The following DNAH14 variants were observed in gnomAD, a reference collection of about 807,000 sequenced individuals.
DNAH14 encodes the protein axonemal beta dynein heavy chain 14.
A neutral mutation model predicts 520.9 loss-of-function variants in DNAH14; 478 were observed. That is an observed-to-expected ratio of 0.92 (90% CI 0.85 to 0.99). The LOEUF is 0.99. Among genes scored for constraint, DNAH14 ranks in the 50% least tolerant of loss-of-function variants. DNAH14 has a pLI of 0.00. For synonymous variants in DNAH14, 1,581 were observed against 1,757.2 expected (o/e 0.90, Z 2.51); for missense variants, 4,831 against 5,234.5 (o/e 0.92, Z 2.38).
intron 23 of DNAH14, among the ~76,000 whole-genome samples, chr1:225,112,249 G>A (rs529533904): frequency 4.6e-5 from 7 of 152,104 alleles, no homozygotes; most frequent in African/African-American, 1.7e-4. Flanking sequence ...ACTATACTAG[G>A]GTAAAAGCTT....
chr1:225,313,870 T>C (rs1482702195), intron 60 of DNAH14, among the ~76,000 whole-genome samples: 1 of 152,200 alleles, frequency 6.6e-6, no homozygotes, highest in Non-Finnish European at 1.5e-5. Flanking sequence ...ATGTGATCGA[T>C]TTTAGAATAA....
chr1:224,998,432 G>C (rs1413583275), intron 8 of DNAH14, among the ~76,000 whole-genome samples: 1 of 151,974 alleles, frequency 6.6e-6, no homozygotes, highest in Non-Finnish European at 1.5e-5. Context: ...TGTCAGCACT[G>C]GTTTGGCTGT....
Position 225,389,774 on chromosome 1 carries a change from T to C in DNAH14, c.13231T>C (p.Ser4411Pro). The C allele has an allele frequency of 6.4e-7, 1 of 1,552,206 alleles. No individual in the cohort carries two copies. The highest frequency in any genetic ancestry group is 8.7e-7 in the Non-Finnish European group (1 of 1,147,086). ...FVTVWKQSIP[S>P]TSQKCKHPED... ...CACAGTTTGGAAGCAGTCTATTCCA[T>C]CAACTAGCCAAAAATGCAAACACCC... The change falls in exon 83 of 86, where the codon TCA (serine) becomes CCA (proline). Residue 4411 changes from serine to proline, a missense_variant. Transcript: ENST00000682510.
At chr1:225,194,711 T>G (rs2085904663) in intron 38 of DNAH14, among the ~76,000 whole-genome samples, 1 of 152,002 alleles carries the variant, frequency 6.6e-6, no homozygotes. Context: ...AAAAAGGCTA[T>G]CAACAGAATA....
chr1:225,145,075 GT>G (rs1212366395), intron 29 of DNAH14, among the ~76,000 whole-genome samples: 1 of 152,092 alleles, frequency 6.6e-6, no homozygotes, highest in Non-Finnish European at 1.5e-5. Context: ...TTTTTTCATA[GT>G]TTTTTATTCA....
chr1:225,039,334 TCTTAA>T (rs1215579609), intron 12 of DNAH14, among the ~76,000 whole-genome samples: 1 of 152,178 alleles, frequency 6.6e-6, no homozygotes, highest in African/African-American at 2.4e-5. Flanking sequence ...TTTGTTGTGT[TCTTAA>T]CTTAAAAATG....
chr1:225,337,304 GTA>G lies in DNAH14; in HGVS notation c.10121_10122del (p.Tyr3374PhefsTer19). The G allele has an allele frequency of 6.4e-7, 1 of 1,551,964 alleles. No individual in the cohort carries two copies. The highest frequency in any genetic ancestry group is 8.7e-7 in the Non-Finnish European group (1 of 1,147,032). On this transcript the variant is annotated frameshift_variant, in exon 67 of 86. Coordinates refer to ENST00000682510, the MANE Select transcript of DNAH14 (RefSeq NM_001367479.1). LOFTEE classifies it high-confidence loss of function. ...WHNQGLPHGQ[Y>X]SVENAILIKN... The stretch of plus-strand genomic sequence containing the variant: ...ATAATCAGGGACTGCCTCATGGTCA[GTA>G]TTCAGTAGAGAATGCCATCTTGATC...
At chr1:225,184,129 A>C (rs1052246806) in intron 36 of DNAH14, among the ~76,000 whole-genome samples, 1 of 152,202 alleles carries the variant, frequency 6.6e-6, no homozygotes, top group African/African-American at 2.4e-5. Context: ...TATCACAATG[A>C]AAAAAGAAAA....
chr1:224,952,473 T>C (rs1302294488), intron 1 of DNAH14, among the ~76,000 whole-genome samples, 197 bp from the exon 2 acceptor site: 1 of 152,116 alleles, frequency 6.6e-6, no homozygotes, highest in African/African-American at 2.4e-5. Flanking sequence ...TTAGACAATA[T>C]AGAGATTGCC....
intron 85 of DNAH14, 38 bp downstream of exon 85, chr1:225,398,704 T>C: frequency 6.5e-7 from 1 of 1,546,470 alleles, no homozygotes; most frequent in Non-Finnish European, 8.7e-7. Context: ...CCTAAACCTC[T>C]GAGCGTTGCT....
intron 23 of DNAH14, among the ~76,000 whole-genome samples, chr1:225,105,240 G>A (rs1204656831): frequency 6.6e-6 from 1 of 152,150 alleles, no homozygotes; most frequent in African/African-American, 2.4e-5. Context: ...ATTGCACTGT[G>A]GTCTGAGAGA....
chr1:225,107,132 C>T (rs544346723), intron 23 of DNAH14, among the ~76,000 whole-genome samples: 43 of 152,224 alleles, frequency 2.8e-4, no homozygotes, highest in South Asian at 8.3e-4. Context: ...TGGAGTTTGC[C>T]GGAGGTCCAC....
At chr1:225,366,329 G>A (rs1487739794) in intron 76 of DNAH14, among the ~76,000 whole-genome samples, 1 of 152,096 alleles carries the variant, frequency 6.6e-6, no homozygotes, top group East Asian at 1.9e-4. Context: ...CTAGGAAAAG[G>A]CCAAATAAAT....
chr1:225,344,294 T>C (rs1168246031), intron 69 of DNAH14, among the ~76,000 whole-genome samples: 1 of 151,956 alleles, frequency 6.6e-6, no homozygotes, highest in Non-Finnish European at 1.5e-5. Flanking sequence ...ACTTGTGTCA[T>C]GGGGGTTTGT....
rs562513579 is a variant in DNAH14, at chr1:224,978,841, A to G, written c.830+4688A>G. Among the ~76,000 whole-genome samples the G allele has an allele frequency of 1.4e-4, 22 of 151,994 alleles. No homozygotes were observed. In the South Asian group the frequency reaches 4.0e-3, roughly 27 times the overall value. ...TATTTTGTAGAGATGGGGACTCACTATGTTGCCCAGGCTGGTCACCAACTC... is the reference window on the plus strand; with the variant it reads ...TATTTTGTAGAGATGGGGACTCACTGTGTTGCCCAGGCTGGTCACCAACTC... On this transcript the variant is annotated intron_variant, in intron 8 of 85. Coordinates refer to ENST00000682510, the MANE Select transcript of DNAH14 (RefSeq NM_001367479.1).
chr1:224,997,078 G>A (rs1172656144), intron 8 of DNAH14, among the ~76,000 whole-genome samples: 1 of 152,106 alleles, frequency 6.6e-6, no homozygotes, highest in African/African-American at 2.4e-5. Flanking sequence ...GAGCTATGCT[G>A]TTAGCTGGTA....
intron 11 of DNAH14, among the ~76,000 whole-genome samples, chr1:225,036,124 G>T (rs926922274): frequency 2.6e-5 from 4 of 151,878 alleles, no homozygotes; most frequent in Non-Finnish European, 4.4e-5. Flanking sequence ...AGACTAAGAG[G>T]TTTTTTTTCT....
At chr1:225,175,047 C>A (rs2083161855) in intron 36 of DNAH14, among the ~76,000 whole-genome samples, 1 of 152,102 alleles carries the variant, frequency 6.6e-6, no homozygotes, top group African/African-American at 2.4e-5. Context: ...GGTTAATGAT[C>A]TTTTTAATGT....
At chr1:225,149,230 G>T (rs1422154911) in intron 31 of DNAH14, among the ~76,000 whole-genome samples, 1 of 152,160 alleles carries the variant, frequency 6.6e-6, no homozygotes, top group Non-Finnish European at 1.5e-5. Flanking sequence ...AGATCAGATG[G>T]TTGTATGTGT....
Sources: allele counts gnomAD v4.1 joint callset (sites outside exome capture counted in the v4.1 genomes callset), GRCh38; gene constraint gnomAD v4.1.1; transcripts MANE v1.5; gene names NCBI Gene and HGNC (gene_info 2026-07-23, HGNC 2026-07-21).